The following PARD3 variants were observed in gnomAD, a reference collection of about 807,000 sequenced individuals.
PARD3 encodes partitioning defective 3 homolog.
In PARD3, 75 loss-of-function variants were observed where a neutral mutation model predicts 155.4. The ratio of observed to expected loss-of-function variants is 0.48; its 90% CI spans 0.40 to 0.58. The LOEUF is 0.58. Ranked by LOEUF, PARD3 falls within the 20% of genes least tolerant of loss-of-function variation. The pLI is 0.00. For missense variants in PARD3, 1,642 were observed against 1,721.7 expected (o/e 0.95, Z 0.82); for synonymous variants, 576 against 610.5 (o/e 0.94, Z 0.83).
rs376150936 is a variant in PARD3 at position 34,604,463 on chromosome 10, A to G, written c.223-87304T>C. ...TCCTCCCCTCAAATATCAGACTCCA[A>G]GATCTTCCGTTTTGGGACTCTGGCT... On this transcript the variant is annotated intron_variant, in intron 2 of 24. Transcript: ENST00000374788. Among the ~76,000 whole-genome samples, 28 of 152,078 alleles carry G rather than the reference A, an allele frequency of 1.8e-4. No individual in the cohort carries two copies. In the East Asian group the frequency reaches 4.5e-3, roughly 24 times the overall value.
intron 1 of PARD3, among the ~76,000 whole-genome samples, chr10:34,749,130 T>C (rs1835675163): frequency 6.6e-6 from 1 of 152,254 alleles, no homozygotes; most frequent in Non-Finnish European, 1.5e-5. Context: ...ATACTTTTGC[T>C]TTTATTTTCC....
At chr10:34,685,582 G>A (rs952722835) in intron 2 of PARD3, among the ~76,000 whole-genome samples, 1 of 148,018 alleles carries the variant, frequency 6.8e-6, no homozygotes, top group East Asian at 2.0e-4. Flanking sequence ...CTTAATGCAC[G>A]TGATTCCCGC....
chr10:34,703,030 CAAGA>C (rs1389215038), intron 1 of PARD3, among the ~76,000 whole-genome samples: 2 of 151,868 alleles, frequency 1.3e-5, no homozygotes, highest in Non-Finnish European at 2.9e-5. Context: ...GGGAGGAAAG[CAAGA>C]AAGAAAGAAA....
intron 3 of PARD3, among the ~76,000 whole-genome samples, chr10:34,495,729 T>C (rs111667293): frequency 0.012 from 1,770 of 151,980 alleles, 31 homozygotes; most frequent in African/African-American, 0.038. Context: ...AGGGGTCTGG[T>C]TATTCAAATG....
intron 1 of PARD3, among the ~76,000 whole-genome samples, chr10:34,703,540 C>CAG (rs1033864842): frequency 2.6e-5 from 4 of 151,408 alleles, no homozygotes; most frequent in South Asian, 2.1e-4. Flanking sequence ...ACTTGAATAA[C>CAG]AGGAGTTCTA....
intron 2 of PARD3, among the ~76,000 whole-genome samples, chr10:34,579,394 C>T (rs1287187699): frequency 1.3e-5 from 2 of 152,174 alleles, no homozygotes; most frequent in East Asian, 3.9e-4. Flanking sequence ...GTCAGGTGAG[C>T]CCTTCCGTAA....
At chr10:34,303,786 G>A (rs936847194) in intron 20 of PARD3, among the ~76,000 whole-genome samples, 1 of 152,156 alleles carries the variant, frequency 6.6e-6, no homozygotes, top group African/African-American at 2.4e-5. Context: ...AGGCAATTGT[G>A]AGCTGGGCGG....
At chr10:34,613,273 AC>A (rs2091035266) in intron 2 of PARD3, among the ~76,000 whole-genome samples, 1 of 152,198 alleles carries the variant, frequency 6.6e-6, no homozygotes, top group Non-Finnish European at 1.5e-5. Context: ...GTGTGCACAT[AC>A]ACACACACTG....
chr10:34,679,583 T>C (rs2093773869), intron 2 of PARD3, among the ~76,000 whole-genome samples: 1 of 152,188 alleles, frequency 6.6e-6, no homozygotes, highest in South Asian at 2.1e-4. Flanking sequence ...ACACATATTT[T>C]ACTCAGAGAA....
intron 22 of PARD3, among the ~76,000 whole-genome samples, chr10:34,137,905 T>C (rs1786383145): frequency 6.6e-6 from 1 of 152,200 alleles, no homozygotes; most frequent in Non-Finnish European, 1.5e-5. Flanking sequence ...CAATAAACGT[T>C]CTAGACCTCC....
At chr10:34,552,770 C>CT (rs1203637213) in intron 2 of PARD3, among the ~76,000 whole-genome samples, 1 of 151,862 alleles carries the variant, frequency 6.6e-6, no homozygotes, top group Non-Finnish European at 1.5e-5. Flanking sequence ...TAACTACTGC[C>CT]TATGACCATG....
chr10:34,725,256 G>A lies in PARD3; in HGVS notation c.121-28837C>T, dbSNP rs367544758. 6.1e-4 allele frequency among the ~76,000 whole-genome samples: 92 copies of A among 152,046 alleles called. No individual in the cohort carries two copies. The South Asian group carries it at 0.018, about 30-fold the overall frequency. ...CATGCTCCAACTCCCAGGTTCAAGC[G>A]ATTCTCCTGCCTCAGCCTCCTGAGT... On this transcript the variant is annotated intron_variant, in intron 1 of 24. Transcript: ENST00000374788.
chr10:34,660,350 G>A (rs1034921106), intron 2 of PARD3, among the ~76,000 whole-genome samples: 2 of 152,094 alleles, frequency 1.3e-5, no homozygotes, highest in African/African-American at 4.8e-5. Context: ...ATAATATCTA[G>A]ATAAATACTT....
At chr10:34,805,516 T>C (rs1843256752) in intron 1 of PARD3, among the ~76,000 whole-genome samples, 2 of 147,212 alleles carry the variant, frequency 1.4e-5, no homozygotes, top group African/African-American at 4.9e-5. Context: ...CCATAAAAGA[T>C]CACCCCAGAA....
intron 12 of PARD3, among the ~76,000 whole-genome samples, chr10:34,365,598 A>G (rs1839887453): frequency 6.6e-6 from 1 of 152,132 alleles, no homozygotes. Flanking sequence ...TTACTTATTT[A>G]TTTTTTCTGA....
chr10:34,284,081 A>G, intron 21 of PARD3, 54 bp downstream of exon 21: 1 of 598,540 alleles, frequency 1.7e-6, no homozygotes, highest in Non-Finnish European at 2.6e-6. Context: ...AAGTAGAAAG[A>G]AAAAAAAAAA....
At chr10:34,764,571 G>A (rs569720521) in intron 1 of PARD3, among the ~76,000 whole-genome samples, 2 of 152,182 alleles carry the variant, frequency 1.3e-5, no homozygotes, top group African/African-American at 4.8e-5. Flanking sequence ...GTCTGTGCCG[G>A]CAGCTGCTGG....
At chr10:34,361,351 C>T (rs562316618) in intron 12 of PARD3, among the ~76,000 whole-genome samples, 1 of 152,308 alleles carries the variant, frequency 6.6e-6, no homozygotes, top group African/African-American at 2.4e-5. Flanking sequence ...GTCATTCAAG[C>T]TTGACTTATC....
At chr10:34,124,594 A>C (rs1321360890) in intron 23 of PARD3, among the ~76,000 whole-genome samples, 1 of 152,134 alleles carries the variant, frequency 6.6e-6, no homozygotes, top group African/African-American at 2.4e-5. Context: ...CACATGCCAT[A>C]ATTATGTAAC....
Sources: gnomAD v4.1 joint callset for allele counts (sites outside exome capture counted in the v4.1 genomes callset) on GRCh38, gnomAD v4.1.1 for gene constraint, MANE v1.5 for transcripts, NCBI Gene and HGNC (gene_info 2026-07-23, HGNC 2026-07-21) for gene names.